FNIP1: variants seen among roughly 807,000 people sequenced by gnomAD.
FNIP1 encodes the protein folliculin-interacting protein 1.
FNIP1 carries 40 observed loss-of-function variants against 124.5 expected under a neutral mutation model. That is an observed-to-expected ratio of 0.32 (90% CI 0.25 to 0.42). The LOEUF (loss-of-function observed/expected upper bound fraction) is 0.42. FNIP1 is among the 10% of genes least tolerant of loss of function. The probability of loss-of-function intolerance (pLI) is 1.00; values close to 1 mark genes in which losing one functional copy is unlikely to be tolerated. For missense variants in FNIP1, 1,176 were observed against 1,403.7 expected (o/e 0.84, Z 2.59); for synonymous variants, 472 against 470.6 (o/e 1.00, Z -0.04).
At chr5:131,692,713 T>G (rs554674250) in intron 11 of FNIP1, among the ~76,000 whole-genome samples, 5 of 152,080 alleles carry the variant, frequency 3.3e-5, no homozygotes, top group African/African-American at 7.2e-5. Context: ...GAGATGTTGG[T>G]CAAAGGACAC....
chr5:131,692,467 G>A (rs370149265), intron 11 of FNIP1, among the ~76,000 whole-genome samples: 3 of 152,152 alleles, frequency 2.0e-5, no homozygotes, highest in East Asian at 3.9e-4. Flanking sequence ...TTGTTAAAAC[G>A]TCAATTCTTC....
intron 15 of FNIP1, among the ~76,000 whole-genome samples, chr5:131,666,247 C>T (rs1423893671): frequency 1.3e-5 from 2 of 152,130 alleles, no homozygotes; most frequent in African/African-American, 4.8e-5. Context: ...CAAAGTTCAA[C>T]AACTTGTCAG....
chr5:131,718,835 A>G, intron 5 of FNIP1, 151 bp downstream of exon 5: 4 of 549,476 alleles, frequency 7.3e-6, no homozygotes, highest in Non-Finnish European at 1.3e-5. Flanking sequence ...ACTAAACTCA[A>G]TTAAGAGTGA....
rs988251158 is a variant in FNIP1, at chr5:131,761,276, C to A, written c.93-16586G>T. On this transcript the variant is annotated intron_variant, in intron 1 of 17. Transcript: ENST00000510461. The stretch of plus-strand genomic sequence containing the variant: ...ACTGACCAGGAAGTCCTAGCTGGAG[C>A]AATTCAACAGGAGAAAGAAAAAGAG... Among the ~76,000 whole-genome samples, 3 of 151,944 alleles carry A rather than the reference C, an allele frequency of 2.0e-5. No homozygotes were observed. In the East Asian group the frequency reaches 5.8e-4, roughly 29 times the overall value.
intron 11 of FNIP1, among the ~76,000 whole-genome samples, chr5:131,681,446 G>A (rs936537518): frequency 1.1e-4 from 17 of 152,002 alleles, no homozygotes; most frequent in African/African-American, 4.1e-4. Context: ...GATATTTAGA[G>A]AAAGCCTCCA....
chr5:131,651,462 G>A (rs1327412162), intron 16 of FNIP1, among the ~76,000 whole-genome samples: 2 of 152,194 alleles, frequency 1.3e-5, no homozygotes, highest in African/African-American at 4.8e-5. Context: ...AGACCAAGGT[G>A]CAAGCATGGT....
chr5:131,684,845 G>A (rs563612795), intron 11 of FNIP1, among the ~76,000 whole-genome samples: 270 of 152,250 alleles, frequency 1.8e-3, no homozygotes, highest in South Asian at 3.7e-3. Flanking sequence ...CTGCAGAAAA[G>A]AATTTGTCAA....
At chr5:131,790,906 A>C (rs1772387176) in intron 1 of FNIP1, among the ~76,000 whole-genome samples, 1 of 152,230 alleles carries the variant, frequency 6.6e-6, no homozygotes, top group Non-Finnish European at 1.5e-5. Context: ...TCTTAGAAGG[A>C]GGAGTGTAGA....
intron 2 of FNIP1, among the ~76,000 whole-genome samples, chr5:131,735,107 C>T (rs1214905081): frequency 2.0e-5 from 3 of 152,128 alleles, no homozygotes; most frequent in Admixed American, 6.5e-5. Context: ...GGCACATATA[C>T]ACCATGGAAT....
At chr5:131,661,808 C>CCT (rs1172441245) in intron 15 of FNIP1, among the ~76,000 whole-genome samples, 2 of 151,812 alleles carry the variant, frequency 1.3e-5, no homozygotes, top group Admixed American at 6.6e-5. Flanking sequence ...AGGCTTCTGG[C>CCT]CTCTCTCTCT....
chr5:131,793,727 C>T (rs1056547880), intron 1 of FNIP1, among the ~76,000 whole-genome samples: 2 of 152,112 alleles, frequency 1.3e-5, no homozygotes. Context: ...CTGTGGCTTA[C>T]AATTACTGAG....
At chr5:131,736,098 C>A (rs925475651) in intron 2 of FNIP1, among the ~76,000 whole-genome samples, 7 of 152,068 alleles carry the variant, frequency 4.6e-5, no homozygotes, top group Non-Finnish European at 1.0e-4. Flanking sequence ...TATTAGAAAA[C>A]AGTTAACATG....
At chr5:131,776,794 G>A (rs1349960542) in intron 1 of FNIP1, among the ~76,000 whole-genome samples, 1 of 152,180 alleles carries the variant, frequency 6.6e-6, no homozygotes, top group Non-Finnish European at 1.5e-5. Context: ...GGCAAATGAA[G>A]TAGGTTCCAG....
At chr5:131,775,166 T>C (rs1032125733) in intron 1 of FNIP1, among the ~76,000 whole-genome samples, 1 of 152,224 alleles carries the variant, frequency 6.6e-6, no homozygotes, top group Non-Finnish European at 1.5e-5. Context: ...TTGTTTAGTA[T>C]CTAGTTTCCA....
chr5:131,769,401 T>C (rs1212757515), intron 1 of FNIP1, among the ~76,000 whole-genome samples: 1 of 152,214 alleles, frequency 6.6e-6, no homozygotes, highest in African/African-American at 2.4e-5. Flanking sequence ...TTGGATTATT[T>C]TGATGTTAAC....
In FNIP1 at chr5:131,710,689, T is replaced by C. The variant is rs374953545; in HGVS notation, c.623-28A>G. 2,694 of 1,602,404 alleles carry C rather than the reference T, an allele frequency of 1.7e-3. 2 individuals carry two copies. The highest frequency in any genetic ancestry group is 2.1e-3 in the Non-Finnish European group (2,433 of 1,173,242). ...ACATGGCAAAAACGTAAAATACACA[T>C]GAAAGAGGACTGTTAGAGAAGCCAC... On this transcript the variant is annotated intron_variant, in intron 6 of 17. Coordinates refer to ENST00000510461, the MANE Select transcript of FNIP1 (RefSeq NM_133372.3).
intron 1 of FNIP1, among the ~76,000 whole-genome samples, chr5:131,776,583 A>T (rs1266957825): frequency 6.6e-6 from 1 of 152,244 alleles, no homozygotes; most frequent in African/African-American, 2.4e-5. Context: ...AATATGAATA[A>T]ATCTGAAATA....
At chr5:131,787,776 G>A (rs542013047) in intron 1 of FNIP1, among the ~76,000 whole-genome samples, 1 of 152,288 alleles carries the variant, frequency 6.6e-6, no homozygotes, top group Admixed American at 6.5e-5. Flanking sequence ...AGACTTCTGA[G>A]TGTTTTGATT....
At chr5:131,653,131 T>TA (rs1767088689) in intron 15 of FNIP1, among the ~76,000 whole-genome samples, 1 of 152,160 alleles carries the variant, frequency 6.6e-6, no homozygotes, top group African/African-American at 2.4e-5. Context: ...CTACATGAAT[T>TA]AGATTTTTCT....
Sources: gnomAD v4.1 joint callset for allele counts (sites outside exome capture counted in the v4.1 genomes callset) on GRCh38, gnomAD v4.1.1 for gene constraint, MANE v1.5 for transcripts, NCBI Gene and HGNC (gene_info 2026-07-23, HGNC 2026-07-21) for gene names.